The following CALCRL variants were observed in gnomAD, a reference collection of about 807,000 sequenced individuals.
CALCRL encodes the protein calcitonin gene-related peptide type 1 receptor.
CALCRL carries 27 observed loss-of-function variants against 60.4 expected under a neutral mutation model. The ratio of observed to expected loss-of-function variants is 0.45; its 90% CI spans 0.33 to 0.62. The LOEUF (loss-of-function observed/expected upper bound fraction) is 0.62, where lower values mean the gene tolerates loss of function less well. Ranked by LOEUF, CALCRL falls within the 20% of genes least tolerant of loss-of-function variation. CALCRL has a pLI of 0.03. For synonymous variants in CALCRL, 190 were observed against 182.6 expected (o/e 1.04, Z -0.33); for missense variants, 424 against 540.7 (o/e 0.78, Z 2.14).
At position 187,419,004 on chromosome 2, in the gene CALCRL, G is replaced by C. The variant is rs1241967595; in HGVS notation, c.-293+29035C>G. ...CCCAAGTAGGTGGGATTACAGGCACGCACCACCACGTCTGGCTAATTTTTT... is the reference window on the plus strand; with the variant it reads ...CCCAAGTAGGTGGGATTACAGGCACCCACCACCACGTCTGGCTAATTTTTT... On this transcript the variant is annotated intron_variant, in intron 1 of 14. Coordinates refer to ENST00000392370, the MANE Select transcript of CALCRL (RefSeq NM_005795.6). Among the ~76,000 whole-genome samples, 4 of 144,558 alleles carry C rather than the reference G, an allele frequency of 2.8e-5. No homozygotes were observed. The East Asian group carries it at 8.1e-4, about 29-fold the overall frequency. The allele number at this position is 144,558 out of a possible 152,430, so 94.8% of individuals were successfully genotyped here. A position where few individuals can be genotyped will look rare whatever the true frequency, so the allele number is the denominator to read the frequency against.
Position 187,343,219 on chromosome 2 carries a change from T to C in CALCRL, c.*2965A>G, listed in dbSNP as rs528340723. On this transcript the variant is annotated 3_prime_UTR_variant, in exon 15 of 15. Transcript: ENST00000392370. The stretch of plus-strand genomic sequence containing the variant: ...TAAGAGATTTGTTAATTTTGAGAAG[T>C]ATCCCATTGATTACTGTAAGAATTA... The C allele has an allele frequency of 1.3e-5, 2 of 151,654 alleles. No individual in the cohort carries two copies. Among genetic ancestry groups the C allele is most frequent in the African/African-American group, 2.4e-5 (1 of 41,522 alleles). The allele number at this position is 151,654 out of a possible 1,614,324, so 9.4% of individuals were successfully genotyped here.
chr2:187,416,007 A>C (rs1254652426), intron 1 of CALCRL, among the ~76,000 whole-genome samples: 1 of 152,096 alleles, frequency 6.6e-6, no homozygotes, highest in Non-Finnish European at 1.5e-5. Context: ...AGGGAGCCTG[A>C]CCTCGTCATG....
intron 9 of CALCRL, among the ~76,000 whole-genome samples, chr2:187,361,325 T>C (rs1284303822): frequency 6.6e-6 from 1 of 151,974 alleles, no homozygotes; most frequent in East Asian, 1.9e-4. Context: ...CCATTTTTCC[T>C]GAGGTCTCCA....
chr2:187,412,405 A>AT (rs1366660960), intron 1 of CALCRL, among the ~76,000 whole-genome samples: 1 of 152,164 alleles, frequency 6.6e-6, no homozygotes, highest in Non-Finnish European at 1.5e-5. Flanking sequence ...CTCCAGTCTC[A>AT]TTATGGCATC....
chr2:187,352,344 A>G lies in CALCRL; in HGVS notation c.910-12T>C. The G allele has an allele frequency of 6.9e-7, 1 of 1,448,898 alleles. No homozygotes were observed. The highest frequency in any genetic ancestry group is 1.7e-5 in the Admixed American group (1 of 58,404). 89.8% of individuals were successfully genotyped at this position (1,448,898 alleles called of 1,614,324 possible). A position where few individuals can be genotyped will look rare whatever the true frequency, so the allele number is the denominator to read the frequency against. On this transcript the variant is annotated splice_polypyrimidine_tract_variant and intron_variant, in intron 12 of 14. Coordinates refer to ENST00000392370, the MANE Select transcript of CALCRL (RefSeq NM_005795.6). ...AAAAAAAGATTCACCTAAAAACGAA[A>G]TTAAATGGCATCTGAAAATCATTTC... is the stretch of plus-strand genomic sequence containing the variant.
chr2:187,371,340 A>T (rs1416702518), intron 8 of CALCRL, among the ~76,000 whole-genome samples: 1 of 152,162 alleles, frequency 6.6e-6, no homozygotes, highest in African/African-American at 2.4e-5. Context: ...TAACAAATTT[A>T]CAATGAATAA....
intron 1 of CALCRL, among the ~76,000 whole-genome samples, chr2:187,430,919 C>G (rs2105892463): frequency 6.6e-6 from 1 of 151,982 alleles, no homozygotes; most frequent in South Asian, 2.1e-4. Context: ...ATGTTTTATA[C>G]AGTATATATA....
chr2:187,421,373 T>G (rs1689864774), intron 1 of CALCRL, among the ~76,000 whole-genome samples: 1 of 152,164 alleles, frequency 6.6e-6, no homozygotes, highest in African/African-American at 2.4e-5. Context: ...TATTTGCACC[T>G]CAGAACATGA....
chr2:187,383,402 C>T (rs1014895280), intron 4 of CALCRL, 97 bp from the exon 5 acceptor site: 13 of 956,602 alleles, frequency 1.4e-5, no homozygotes, highest in Admixed American at 3.5e-5. Context: ...ACAGCAAGTG[C>T]GGTGATGTAC....
chr2:187,433,257 AT>A (rs898029496), intron 1 of CALCRL, among the ~76,000 whole-genome samples: 1 of 151,814 alleles, frequency 6.6e-6, no homozygotes, highest in Non-Finnish European at 1.5e-5. Context: ...CAGAAGCATT[AT>A]TTTTTTTCTG....
chr2:187,379,192 G>C lies in CALCRL; in HGVS notation c.409-161C>G, dbSNP rs1687888997. On this transcript the variant is annotated intron_variant, in intron 7 of 14. Transcript: ENST00000392370. Reference sequence around the variant, plus strand: ...TGAGTTTACAAACCAATAAATACTTGAACGTGTCTGGAATGAAAAATATCT... The same window carrying C: ...TGAGTTTACAAACCAATAAATACTTCAACGTGTCTGGAATGAAAAATATCT... Among the ~76,000 whole-genome samples, 6 of 152,086 alleles carry C rather than the reference G, an allele frequency of 3.9e-5. No homozygotes were observed. In the South Asian group the frequency reaches 1.2e-3, roughly 32 times the overall value.
intron 14 of CALCRL, among the ~76,000 whole-genome samples, chr2:187,350,936 T>C (rs1012663371): frequency 2.0e-5 from 3 of 151,704 alleles, no homozygotes; most frequent in African/African-American, 7.3e-5. Context: ...TAAAAACATA[T>C]AAAGAGCTAA....
chr2:187,421,358 A>G (rs1689864004), intron 1 of CALCRL, among the ~76,000 whole-genome samples: 1 of 152,098 alleles, frequency 6.6e-6, no homozygotes, highest in African/African-American at 2.4e-5. Context: ...ATAAATTCCT[A>G]CTTTTATTTG....
At chr2:187,368,788 C>A (rs1356175440) in intron 8 of CALCRL, among the ~76,000 whole-genome samples, 27 of 152,096 alleles carry the variant, frequency 1.8e-4, no homozygotes, top group Non-Finnish European at 5.9e-5. Flanking sequence ...ATTCTCAGAT[C>A]TTTTCCCCCA....
intron 1 of CALCRL, among the ~76,000 whole-genome samples, chr2:187,426,314 A>G (rs1194081070): frequency 6.7e-6 from 1 of 150,320 alleles, no homozygotes; most frequent in Non-Finnish European, 1.5e-5. Flanking sequence ...GAAAATCTTT[A>G]CCCTGCTCTA....
chr2:187,379,141 T>A (rs1687886785), intron 7 of CALCRL, 110 bp from the exon 8 acceptor site: 1 of 601,248 alleles, frequency 1.7e-6, no homozygotes, highest in African/African-American at 1.8e-5. Context: ...TTTTTAGAAA[T>A]ATGTGATCTG....
At chr2:187,389,868 A>G (rs991964177) in intron 1 of CALCRL, among the ~76,000 whole-genome samples, 1 of 152,042 alleles carries the variant, frequency 6.6e-6, no homozygotes. Context: ...TAACGTATCT[A>G]TTTCCCTTGC....
chr2:187,428,968 T>G (rs767210242), intron 1 of CALCRL: 3 of 152,034 alleles, frequency 2.0e-5, no homozygotes, highest in African/African-American at 2.4e-5. Flanking sequence ...ATATTTTTAG[T>G]TTATATAATA....
intron 9 of CALCRL, among the ~76,000 whole-genome samples, chr2:187,361,834 T>C (rs1559042554): frequency 6.6e-6 from 1 of 151,952 alleles, no homozygotes; most frequent in Non-Finnish European, 1.5e-5. Flanking sequence ...TTATATACGA[T>C]GCCTCCTAAC....
Sources: allele counts gnomAD v4.1 joint callset (sites outside exome capture counted in the v4.1 genomes callset), GRCh38; gene constraint gnomAD v4.1.1; transcripts MANE v1.5; gene names NCBI Gene and HGNC (gene_info 2026-07-23, HGNC 2026-07-21).